The following RFX1 variants were observed in gnomAD, a reference collection of about 807,000 sequenced individuals.
The protein encoded by RFX1 is regulatory factor X1.
A neutral mutation model predicts 119.6 loss-of-function variants in RFX1; 42 were observed. The observed-to-expected ratio is 0.35, with a 90% CI of 0.27 to 0.45. The LOEUF (loss-of-function observed/expected upper bound fraction) is 0.45. RFX1 is among the 20% of genes least tolerant of loss of function. The pLI is 1.00. For synonymous variants in RFX1, 628 were observed against 618.5 expected (o/e 1.02, Z -0.23); for missense variants, 1,118 against 1,368.1 (o/e 0.82, Z 2.88).
chr19:13,970,509 T>A (rs1431106990), intron 9 of RFX1, among the ~76,000 whole-genome samples: 2 of 151,298 alleles, frequency 1.3e-5, no homozygotes, highest in Non-Finnish European at 3.0e-5. Context: ...AACGAATTTT[T>A]AAAAAAATTA....
chr19:13,961,848 C>T lies in RFX1; in HGVS notation c.*847G>A, dbSNP rs753814158. On this transcript the variant is annotated 3_prime_UTR_variant, in exon 21 of 21. Transcript: ENST00000254325. Reference sequence around the variant, plus strand: ...GTTGGAAAAAAACCCAACAAGTTACCAACTCCGCTCGGGCGGCGCTCACGA... The same window carrying T: ...GTTGGAAAAAAACCCAACAAGTTACTAACTCCGCTCGGGCGGCGCTCACGA... 2 of 152,390 alleles carry T rather than the reference C, an allele frequency of 1.3e-5. No individual in the cohort carries two copies. Among genetic ancestry groups the T allele is most frequent in the South Asian group, 2.1e-4 (1 of 4,844 alleles). The allele number at this position is 152,390 out of a possible 1,614,324, so 9.4% of individuals were successfully genotyped here.
At position 13,993,607 on chromosome 19, in the gene RFX1, C is replaced by G; in HGVS notation, c.237G>C (p.Pro79=). The G allele has an allele frequency of 6.2e-7, 1 of 1,611,234 alleles. No individual in the cohort carries two copies. Among genetic ancestry groups the G allele is most frequent in the Non-Finnish European group, 8.5e-7 (1 of 1,178,700 alleles). The part of the protein sequence containing the change: ...GGQKQYVTEL[P]AVPAPSQPTG... ...TTGGCTGCGAGGGTGCGGGTACAGC[C>G]GGGAGCTCCGTCACGTACTGCTTCT... is the stretch of plus-strand genomic sequence containing the variant. Residue 79 remains proline (P), a synonymous_variant, in exon 2 of 21, where the codon CCG becomes CCC. Transcript: ENST00000254325.
chr19:13,962,286 G>C lies in RFX1; in HGVS notation c.*409C>G, dbSNP rs1342516027. 1.5e-5 allele frequency: 3 copies of C among 205,652 alleles called. No individual in the cohort carries two copies. The highest frequency in any genetic ancestry group is 5.7e-5 in the Admixed American group (1 of 17,614). The allele number at this position is 205,652 out of a possible 1,614,324, so 12.7% of individuals were successfully genotyped here. On this transcript the variant is annotated 3_prime_UTR_variant, in exon 21 of 21. Coordinates refer to ENST00000254325, the MANE Select transcript of RFX1 (RefSeq NM_002918.5). ...GCGCCGGCCCGGGGCTCAGGGCTGGGCCCAGGACAGGCTGTGCAAAGCCAG... is the reference window on the plus strand; with the variant it reads ...GCGCCGGCCCGGGGCTCAGGGCTGGCCCCAGGACAGGCTGTGCAAAGCCAG...
rs1974714157 is a variant in RFX1, at chr19:13,989,140, G to A, written c.319+4385C>T. On this transcript the variant is annotated intron_variant, in intron 2 of 20. Transcript: ENST00000254325. ...GGAGACAAGAGGCAAGCTCCCAGAG[G>A]GTCTGGGGCAGGGAGTGCTCCTGGC... Among the ~76,000 whole-genome samples, 4 of 152,234 alleles carry A rather than the reference G, an allele frequency of 2.6e-5. No homozygotes were observed. The South Asian group carries it at 8.3e-4, about 32-fold the overall frequency.
chr19:13,996,267 G>A (rs1191762067), intron 1 of RFX1, among the ~76,000 whole-genome samples: 3 of 152,198 alleles, frequency 2.0e-5, no homozygotes. Flanking sequence ...CTCCAGATCC[G>A]TGCTTTTGTG....
intron 2 of RFX1, 138 bp from the exon 3 acceptor site, chr19:13,983,733 C>G (rs1352579901): frequency 1.4e-6 from 1 of 693,296 alleles, no homozygotes; most frequent in Non-Finnish European, 2.4e-6. Context: ...CTGCTTCCCC[C>G]TGGCCAGCCC....
In RFX1 at chr19:13,983,583, C is replaced by G. The variant is rs757794827; in HGVS notation, c.332G>C (p.Arg111Pro). The G allele has an allele frequency of 2.5e-6, 4 of 1,603,826 alleles. No homozygotes were observed. The South Asian group carries it at 4.5e-5, about 18-fold the overall frequency. ...GGCCTCCGACACTGTCTCGCTGGCC[C>G]GCATGGCACCTTCTGTGGGGAGGGG... is the stretch of plus-strand genomic sequence containing the variant. ...IVVTVSEGAM[R>P]ASETVSEASP... The change falls in exon 3 of 21, where the codon CGG (arginine) becomes CCG (proline). Residue 111 changes from arginine to proline, a missense_variant. Arg to Pro is a moderately radical substitution (Grantham distance 103). Transcript: ENST00000254325.
At position 13,983,189 on chromosome 19, in the gene RFX1, G is replaced by C; in HGVS notation, c.511C>G (p.Gln171Glu). Residue 171 changes from glutamine to glutamate, a missense_variant and splice_region_variant, in exon 4 of 21, where the codon CAG (glutamine) becomes GAG (glutamate). This residue lies in a region of RFX1 where 542 missense variants were observed against 602.7 expected (regional missense o/e 0.90). Transcript: ENST00000254325. ...GTGGCCAGGTGCAGCAGCATTACCT[G>C]CTGGGGCACTTGGATGTTGGTCAGC... ...LQLTNIQVPQ[Q>E]ALPTQRLVVQ... 1 of 1,568,678 alleles carries C rather than the reference G, an allele frequency of 6.4e-7. No homozygotes were observed. The highest frequency in any genetic ancestry group is 2.3e-5 in the East Asian group (1 of 42,798).
chr19:13,990,284 C>T lies in RFX1; in HGVS notation c.319+3241G>A, dbSNP rs568950526. ...CCACGGAGGGGCTGCGGGCGGTGGG[C>T]GGAGACCAGGGCAGTGTGGGCTCCT... On this transcript the variant is annotated intron_variant, in intron 2 of 20. Transcript: ENST00000254325. This position sits in a 1 kb window ranked among gnomAD's most constrained non-coding sequence, Gnocchi z 4.1. 9.9e-5 allele frequency among the ~76,000 whole-genome samples: 15 copies of T among 152,042 alleles called. No homozygotes were observed. The East Asian group carries it at 1.2e-3, about 12-fold the overall frequency.
At chr19:13,967,317 G>A (rs901337370) in intron 12 of RFX1, among the ~76,000 whole-genome samples, 4 of 151,942 alleles carry the variant, frequency 2.6e-5, no homozygotes, top group African/African-American at 7.2e-5. Context: ...CTTTGGCCCT[G>A]TTTTCATGGA....
In RFX1 at chr19:13,973,762, C is replaced by G. The variant is rs549437851; in HGVS notation, c.930-635G>C. On this transcript the variant is annotated intron_variant, in intron 8 of 20. Coordinates refer to ENST00000254325, the MANE Select transcript of RFX1 (RefSeq NM_002918.5). ...CCTCCTGCCTCAGCCTCCCAAGGAG[C>G]TGGGAATACAGGGCTCACCACCACA... 2.4e-4 allele frequency among the ~76,000 whole-genome samples: 36 copies of G among 152,286 alleles called. 1 individual carries two copies. Among genetic ancestry groups the G allele is most frequent in the African/African-American group, 7.0e-4 (29 of 41,560 alleles).
chr19:13,970,198 G>C, intron 9 of RFX1, 23 bp from the exon 10 acceptor site: 2 of 1,579,222 alleles, frequency 1.3e-6, no homozygotes, highest in Non-Finnish European at 1.7e-6. Context: ...GGAGATGGGA[G>C]AGCACCAGTC....
chr19:13,963,018 G>A lies in RFX1; in HGVS notation c.2746C>T (p.Leu916=). 6.4e-7 allele frequency: 1 copy of A among 1,555,066 alleles called. No homozygotes were observed. Among genetic ancestry groups the A allele is most frequent in the Non-Finnish European group, 8.7e-7 (1 of 1,148,948 alleles). Residue 916 remains leucine, a synonymous_variant, in exon 20 of 21, where the codon CTG becomes TTG. Coordinates refer to ENST00000254325, the MANE Select transcript of RFX1 (RefSeq NM_002918.5). The stretch of plus-strand genomic sequence containing the variant: ...CCTTTGTCGGGGTCCAGGGGGTTCA[G>A]GGAGGTGGCCAGATTGGCGAACTGG... The part of the protein sequence containing the change: ...MGEFANLATS[L]NPLDPDKDEE...
At chr19:13,983,437 T>C (rs1974493887) in intron 3 of RFX1, 49 bp downstream of exon 3, 22 of 1,442,388 alleles carry the variant, frequency 1.5e-5, no homozygotes, top group Admixed American at 1.9e-5. Flanking sequence ...CAGCCTGCAC[T>C]GCCCCCCTCC....
rs1042511900 is a variant in RFX1 at position 13,985,139 on chromosome 19, G to A, written c.320-1544C>T. 1.3e-5 allele frequency among the ~76,000 whole-genome samples: 2 copies of A among 151,986 alleles called. No homozygotes were observed. The highest frequency in any genetic ancestry group is 4.8e-5 in the African/African-American group (2 of 41,364). On this transcript the variant is annotated intron_variant, in intron 2 of 20. Transcript: ENST00000254325. The surrounding 1 kb of genome is among the most constrained non-coding windows in gnomAD (Gnocchi z 4.3). ...CATCTCCCGAAGTGCCGGAATTACC[G>A]GCGTGAGCCACTGTGCCTGGCTGAC...
At chr19:13,964,119 G>C in intron 16 of RFX1, 112 bp from the exon 17 acceptor site, 2 of 1,177,788 alleles carry the variant, frequency 1.7e-6, no homozygotes, top group Non-Finnish European at 2.3e-6. Flanking sequence ...TAAAAAAGGA[G>C]GGATGTGCCT....
intron 2 of RFX1, among the ~76,000 whole-genome samples, chr19:13,992,293 A>G (rs967827303): frequency 1.8e-4 from 27 of 152,066 alleles, no homozygotes; most frequent in African/African-American, 6.5e-4. Flanking sequence ...AAACACACGA[A>G]TCTAGCCTAA....
rs1450715925 is a variant in RFX1 at position 13,990,614 on chromosome 19, A to G, written c.319+2911T>C. ...GGGTGGATCACGAGGTCAGGAGATCAAGACCATCCTGGCTAACACAGTGAA... is the reference window on the plus strand; with the variant it reads ...GGGTGGATCACGAGGTCAGGAGATCGAGACCATCCTGGCTAACACAGTGAA... On this transcript the variant is annotated intron_variant, in intron 2 of 20. Coordinates refer to ENST00000254325, the MANE Select transcript of RFX1 (RefSeq NM_002918.5). This position sits in a 1 kb window ranked among gnomAD's most constrained non-coding sequence, Gnocchi z 4.1. Among the ~76,000 whole-genome samples the G allele has an allele frequency of 1.3e-5, 2 of 152,090 alleles. No homozygotes were observed. Among genetic ancestry groups the G allele is most frequent in the Non-Finnish European group, 2.9e-5 (2 of 68,014 alleles).
chr19:13,995,851 C>CA (rs57542235), intron 1 of RFX1, among the ~76,000 whole-genome samples: 7,305 of 35,148 alleles, frequency 0.21, 1,170 homozygotes, highest in African/African-American at 0.35. Flanking sequence ...ACTCTGTCTC[C>CA]AAAAAAAAAA....
Sources: gnomAD v4.1 joint callset for allele counts (sites outside exome capture counted in the v4.1 genomes callset) on GRCh38, gnomAD v4.1.1 for gene constraint, gnomAD v4.1.1 regional missense constraint, Gnocchi (gnomAD v3.1) non-coding constraint, MANE v1.5 for transcripts, NCBI Gene and HGNC (gene_info 2026-07-23, HGNC 2026-07-21) for gene names.